Variants in SLC24A2 observed in about 807,000 individuals in gnomAD.
The protein encoded by SLC24A2 is solute carrier family 24 member 2.
SLC24A2 carries 36 observed loss-of-function variants against 62.0 expected under a neutral mutation model. The observed-to-expected ratio is 0.58, with a 90% CI of 0.44 to 0.77. SLC24A2 has a LOEUF of 0.77. SLC24A2 is among the 30% of genes least tolerant of loss of function. The pLI, the probability that SLC24A2 is intolerant of heterozygous loss-of-function variation, is 0.00. For missense variants in SLC24A2, 846 were observed against 817.9 expected (o/e 1.03, Z -0.42); for synonymous variants, 358 against 294.0 (o/e 1.22, Z -2.23).
the SLC24A2 span, among the ~76,000 whole-genome samples, chr9:20,123,719 T>A: frequency 2.0e-5 from 3 of 152,208 alleles, no homozygotes; most frequent in Non-Finnish European, 4.4e-5. Context: ...TAATTATCAT[T>A]AACGTCACAC....
chr9:19,638,632 G>A (rs1357742737), intron 2 of SLC24A2, among the ~76,000 whole-genome samples: 3 of 152,104 alleles, frequency 2.0e-5, no homozygotes, highest in Non-Finnish European at 4.4e-5. Context: ...CTCAGAATAA[G>A]GGGAAATATT....
chr9:19,996,842 C>G, the SLC24A2 span, among the ~76,000 whole-genome samples: 4 of 151,650 alleles, frequency 2.6e-5, no homozygotes, highest in Admixed American at 2.6e-4. Flanking sequence ...TGGTACGTTT[C>G]CCTGGTTTGA....
At chr9:19,794,417 C>G in the SLC24A2 span, among the ~76,000 whole-genome samples, 1 of 151,558 alleles carries the variant, frequency 6.6e-6, no homozygotes, top group African/African-American at 2.4e-5. Flanking sequence ...CACATGGACA[C>G]AAAGAAGGGA....
At chr9:19,888,389 G>A in the SLC24A2 span, among the ~76,000 whole-genome samples, 1 of 151,802 alleles carries the variant, frequency 6.6e-6, no homozygotes, top group African/African-American at 2.4e-5. Context: ...TTTGTTCATT[G>A]ATAAAACCTA....
chr9:19,924,214 G>C, the SLC24A2 span, among the ~76,000 whole-genome samples: 1 of 152,172 alleles, frequency 6.6e-6, no homozygotes, highest in African/African-American at 2.4e-5. Flanking sequence ...TTGCAGAGGA[G>C]TAAGGAAAAC....
chr9:20,014,497 T>TAC, the SLC24A2 span, among the ~76,000 whole-genome samples: 1 of 143,920 alleles, frequency 6.9e-6, no homozygotes, highest in Non-Finnish European at 1.5e-5. Flanking sequence ...AAAAATGTGA[T>TAC]ATATATATAT....
chr9:19,619,528 C>G (rs531263671), intron 4 of SLC24A2, 56 bp downstream of exon 4: 77 of 1,314,004 alleles, frequency 5.9e-5, no homozygotes, highest in Non-Finnish European at 7.5e-5. Flanking sequence ...TGCAGAGAAG[C>G]CTTTTGGCAT....
chr9:20,192,034 A>T, the SLC24A2 span, among the ~76,000 whole-genome samples: 2 of 152,198 alleles, frequency 1.3e-5, no homozygotes, highest in African/African-American at 2.4e-5. Flanking sequence ...GGTGCAGATC[A>T]GTTGCAATAG....
intron 4 of SLC24A2, among the ~76,000 whole-genome samples, chr9:19,604,013 C>T (rs1318300215): frequency 6.6e-6 from 1 of 152,198 alleles, no homozygotes; most frequent in Admixed American, 6.5e-5. Context: ...GTTTTCTGCC[C>T]TTTAAGGCAA....
chr9:19,645,538 A>G (rs1484249371), intron 2 of SLC24A2, among the ~76,000 whole-genome samples: 2 of 152,180 alleles, frequency 1.3e-5, no homozygotes, highest in Non-Finnish European at 2.9e-5. Flanking sequence ...TTTTAAAAAC[A>G]TAGTGGCAAT....
the SLC24A2 span, among the ~76,000 whole-genome samples, chr9:19,839,082 A>G: frequency 6.6e-6 from 1 of 152,242 alleles, no homozygotes; most frequent in Non-Finnish European, 1.5e-5. Flanking sequence ...GGGGCGAAGT[A>G]TATGAACAGA....
the SLC24A2 span, among the ~76,000 whole-genome samples, chr9:19,938,831 C>A: frequency 2.6e-5 from 4 of 152,142 alleles, no homozygotes; most frequent in Admixed American, 2.6e-4. Context: ...TAACATTTTG[C>A]TCCGCACATT....
At chr9:19,791,062 C>G (rs1377845698), upstream of SLC24A2, among the ~76,000 whole-genome samples, 2 of 152,194 alleles carry the variant, frequency 1.3e-5, no homozygotes, top group East Asian at 1.9e-4. Flanking sequence ...GTGATTAAAC[C>G]AAACAAGAAT....
chr9:20,067,064 T>C, the SLC24A2 span, among the ~76,000 whole-genome samples: 1 of 152,192 alleles, frequency 6.6e-6, no homozygotes, highest in Non-Finnish European at 1.5e-5. Flanking sequence ...TTGTTCTAGA[T>C]GGTATTTTTT....
At chr9:20,291,189 AG>A in the SLC24A2 span, among the ~76,000 whole-genome samples, 747 of 152,288 alleles carry the variant, frequency 4.9e-3, 6 homozygotes, top group African/African-American at 0.016. Flanking sequence ...AGAGCAAGCA[AG>A]GCTAGCAATA....
chr9:20,086,854 T>C, the SLC24A2 span, among the ~76,000 whole-genome samples: 2 of 152,218 alleles, frequency 1.3e-5, no homozygotes, highest in Admixed American at 6.5e-5. Flanking sequence ...CTCACTGGTG[T>C]TGCAGTTATA....
the SLC24A2 span, among the ~76,000 whole-genome samples, chr9:20,064,612 A>G: frequency 6.6e-6 from 1 of 152,304 alleles, no homozygotes. Flanking sequence ...CAAATCAGTT[A>G]TTTCTCTGAC....
chr9:19,745,546 T>C (rs1821808335), intron 2 of SLC24A2, among the ~76,000 whole-genome samples: 1 of 152,112 alleles, frequency 6.6e-6, no homozygotes, highest in Non-Finnish European at 1.5e-5. Flanking sequence ...AATCTATGCG[T>C]TGATAAGCAT....
At chr9:20,299,798 G>T in the SLC24A2 span, among the ~76,000 whole-genome samples, 1 of 152,216 alleles carries the variant, frequency 6.6e-6, no homozygotes, top group Non-Finnish European at 1.5e-5. Context: ...CGATGTCACA[G>T]ATATCCATAA....
Sources: gnomAD v4.1 joint callset for allele counts (sites outside exome capture counted in the v4.1 genomes callset) on GRCh38, gnomAD v4.1.1 for gene constraint, MANE v1.5 for transcripts, NCBI Gene and HGNC (gene_info 2026-07-23, HGNC 2026-07-21) for gene names.